Variants in SCUBE1 observed in about 807,000 individuals in gnomAD.
The protein encoded by SCUBE1 is signal peptide, CUB domain and EGF like domain containing 1, also known as signal peptide, CUB and EGF-like domain-containing protein 1.
SCUBE1 carries 59 observed loss-of-function variants against 124.4 expected under a neutral mutation model. The observed-to-expected ratio is 0.47, with a 90% CI of 0.38 to 0.59. SCUBE1 has a LOEUF of 0.59. SCUBE1 is among the 20% of genes least tolerant of loss of function. The pLI is 0.00. For missense variants in SCUBE1, 1,150 were observed against 1,371.2 expected (o/e 0.84, Z 2.55); for synonymous variants, 545 against 550.9 (o/e 0.99, Z 0.15).
chr22:43,222,718 C>A lies in SCUBE1; in HGVS notation c.1352G>T (p.Ser451Ile), dbSNP rs1260354154. The change falls in exon 12 of 22, where the codon AGC becomes ATC. Residue 451 changes from serine (S) to isoleucine (I), a missense_variant. Physicochemically the swap from Ser to Ile is moderately radical, Grantham distance 142 (BLOSUM62 -2). Coordinates refer to ENST00000360835, the MANE Select transcript of SCUBE1 (RefSeq NM_173050.5). The part of the protein sequence containing the change: ...VPDSENSYVL[S>I]CGVPGPQGKA... The stretch of plus-strand genomic sequence containing the variant: ...GCCCTGCGGCCCTGGAACTCCGCAG[C>A]TCAGGACGTAGCTATTTTCCGAGTC... The A allele has an allele frequency of 6.2e-7, 1 of 1,605,144 alleles. No homozygotes were observed. Among genetic ancestry groups the A allele is most frequent in the East Asian group, 2.2e-5 (1 of 44,596 alleles).
Position 43,198,145 on chromosome 22 carries a change from A to C in SCUBE1, c.*5852T>G. The C allele has an allele frequency of 4.8e-6, 1 of 209,654 alleles. No homozygotes were observed. 13.0% of individuals were successfully genotyped at this position (209,654 alleles called of 1,614,324 possible). ...CCACCATCTACATGGGGCTGGGGGGATGGAATGTGTGGATATTAGAGGGTT... is the reference window on the plus strand; with the variant it reads ...CCACCATCTACATGGGGCTGGGGGGCTGGAATGTGTGGATATTAGAGGGTT... On this transcript the variant is annotated 3_prime_UTR_variant, in exon 22 of 22. Coordinates refer to ENST00000360835, the MANE Select transcript of SCUBE1 (RefSeq NM_173050.5).
chr22:43,308,084 C>T (rs1926039051), intron 3 of SCUBE1, among the ~76,000 whole-genome samples: 2 of 152,244 alleles, frequency 1.3e-5, no homozygotes, highest in South Asian at 2.1e-4. Context: ...AACCAGTCTG[C>T]CTCCCTACAC....
chr22:43,251,868 G>A (rs1163544391), intron 6 of SCUBE1, among the ~76,000 whole-genome samples: 2 of 152,200 alleles, frequency 1.3e-5, no homozygotes, highest in African/African-American at 4.8e-5. Flanking sequence ...AGGGAGAGGG[G>A]CTTGATTGAA....
In SCUBE1 at chr22:43,198,767, C is replaced by T. The variant is rs1920960777; in HGVS notation, c.*5230G>A. 2.2e-6 allele frequency: 1 copy of T among 452,842 alleles called. No homozygotes were observed. The highest frequency in any genetic ancestry group is 4.5e-6 in the Non-Finnish European group (1 of 224,438). 28.1% of individuals were successfully genotyped at this position (452,842 alleles called of 1,614,324 possible). On this transcript the variant is annotated 3_prime_UTR_variant, in exon 22 of 22. Coordinates refer to ENST00000360835, the MANE Select transcript of SCUBE1 (RefSeq NM_173050.5). ...AAGGCTTCTCCCTGTGGGGCATGCA[C>T]TGTGGCAGGCAAGGTGAGCAGGCTG...
At chr22:43,320,632 T>C (rs965067994) in intron 2 of SCUBE1, among the ~76,000 whole-genome samples, 1 of 152,204 alleles carries the variant, frequency 6.6e-6, no homozygotes, top group Non-Finnish European at 1.5e-5. Flanking sequence ...TGGAGAATGA[T>C]AGGAACACGC....
chr22:43,236,118 T>G (rs1224637323), intron 7 of SCUBE1, among the ~76,000 whole-genome samples: 1 of 152,166 alleles, frequency 6.6e-6, no homozygotes, highest in African/African-American at 2.4e-5. Context: ...CTCTCTCCTT[T>G]GAGATCCTCC....
At position 43,218,248 on chromosome 22, in the gene SCUBE1, G is replaced by A. The variant is rs199887506; in HGVS notation, c.1891+7C>T. The A allele has an allele frequency of 1.3e-5, 21 of 1,612,396 alleles. No individual in the cohort carries two copies. The African/African-American group carries it at 1.5e-4, about 11-fold the overall frequency. ...CAGCATCTGAGTGGCCATGGGCAAGGACTCACCGCATTTGCTGTCCTGTAG... is the reference window on the plus strand; with the variant it reads ...CAGCATCTGAGTGGCCATGGGCAAGAACTCACCGCATTTGCTGTCCTGTAG... On this transcript the variant is annotated splice_region_variant and intron_variant, in intron 15 of 21. Coordinates refer to ENST00000360835, the MANE Select transcript of SCUBE1 (RefSeq NM_173050.5).
intron 6 of SCUBE1, among the ~76,000 whole-genome samples, chr22:43,242,605 C>G (rs1192633893): frequency 2.0e-5 from 3 of 152,252 alleles, no homozygotes; most frequent in African/African-American, 7.2e-5. Context: ...TCTCCCCCAC[C>G]CTGAAACACA....
chr22:43,228,381 G>T lies in SCUBE1; in HGVS notation c.1084+691C>A, dbSNP rs1922411336. Among the ~76,000 whole-genome samples, 4 of 152,268 alleles carry T rather than the reference G, an allele frequency of 2.6e-5. No individual in the cohort carries two copies. The South Asian group carries it at 8.3e-4, about 32-fold the overall frequency. ...CATGCCTGGAGCTGTCTTCCCAGTG[G>T]TACCCTGGATTCCACTCTCCTTTCC... On this transcript the variant is annotated intron_variant, in intron 9 of 21. Coordinates refer to ENST00000360835, the MANE Select transcript of SCUBE1 (RefSeq NM_173050.5).
At position 43,251,864 on chromosome 22, in the gene SCUBE1, A is replaced by T. The variant is rs762950; in HGVS notation, c.727+6355T>A. Among the ~76,000 whole-genome samples the T allele has an allele frequency of 1.4e-3, 219 of 152,070 alleles. 1 individual carries two copies. The highest frequency in any genetic ancestry group is 6.8e-3 in the Middle Eastern group (2 of 294). On this transcript the variant is annotated intron_variant, in intron 6 of 21. Coordinates refer to ENST00000360835, the MANE Select transcript of SCUBE1 (RefSeq NM_173050.5). Reference sequence around the variant, plus strand: ...CCTATCCTAAGCATGCTCCAGGGAGAGGGGCTTGATTGAAGACCTGGAGCT... The same window carrying T: ...CCTATCCTAAGCATGCTCCAGGGAGTGGGGCTTGATTGAAGACCTGGAGCT...
chr22:43,206,289 AACACACACCCCT>A (rs1486135373), intron 21 of SCUBE1, among the ~76,000 whole-genome samples: 2 of 144,440 alleles, frequency 1.4e-5, no homozygotes, highest in African/African-American at 2.6e-5. Flanking sequence ...ACACCCACTC[AACACACACCCCT>A]ACACACACAC....
intron 6 of SCUBE1, among the ~76,000 whole-genome samples, chr22:43,243,315 C>T (rs1039895616): frequency 8.5e-5 from 13 of 152,316 alleles, no homozygotes; most frequent in South Asian, 2.1e-4. Flanking sequence ...CCCTGTAGGG[C>T]GAGGGTGGCC....
intron 6 of SCUBE1, among the ~76,000 whole-genome samples, chr22:43,257,669 C>T (rs544700910): frequency 4.6e-5 from 7 of 152,314 alleles, no homozygotes; most frequent in South Asian, 2.1e-4. Flanking sequence ...ACCACACCCA[C>T]GCAGGGCCCA....
chr22:43,307,143 C>T (rs149589830), intron 3 of SCUBE1, among the ~76,000 whole-genome samples: 3 of 152,336 alleles, frequency 2.0e-5, no homozygotes, highest in Non-Finnish European at 4.4e-5. Context: ...TCGAGGAATT[C>T]CCAAGGAAGG....
intron 7 of SCUBE1, among the ~76,000 whole-genome samples, chr22:43,236,256 C>A (rs1922757921): frequency 6.6e-6 from 1 of 152,214 alleles, no homozygotes; most frequent in South Asian, 2.1e-4. Flanking sequence ...ACCAATGACA[C>A]CAACCCTGGG....
chr22:43,214,081 C>T lies in SCUBE1; in HGVS notation c.2053+9G>A, dbSNP rs373037413. 1.5e-4 allele frequency: 154 copies of T among 1,017,914 alleles called. 1 individual carries two copies. The highest frequency in any genetic ancestry group is 2.0e-4 in the Non-Finnish European group (146 of 713,782). 63.1% of individuals were successfully genotyped at this position (1,017,914 alleles called of 1,614,324 possible). ...CCACCCCCACCTCTCCTTCTAGGCCCGCACTTGCCTCCACATTCCGACACG... is the reference window on the plus strand; with the variant it reads ...CCACCCCCACCTCTCCTTCTAGGCCTGCACTTGCCTCCACATTCCGACACG... On this transcript the variant is annotated intron_variant, in intron 16 of 21. Transcript: ENST00000360835.
intron 4 of SCUBE1, among the ~76,000 whole-genome samples, chr22:43,268,696 T>C (rs1924171535): frequency 6.6e-6 from 1 of 152,094 alleles, no homozygotes; most frequent in Admixed American, 6.5e-5. Context: ...CTTCCCAGAG[T>C]GTGCTAAATG....
chr22:43,277,194 C>T (rs1328955149), intron 4 of SCUBE1, among the ~76,000 whole-genome samples: 1 of 152,066 alleles, frequency 6.6e-6, no homozygotes, highest in African/African-American at 2.4e-5. Flanking sequence ...GAGTTCCAGA[C>T]AGAGGGAGCT....
chr22:43,217,453 G>T (rs1921881422), intron 15 of SCUBE1, among the ~76,000 whole-genome samples: 1 of 151,802 alleles, frequency 6.6e-6, no homozygotes, highest in South Asian at 2.1e-4. Flanking sequence ...AGTCGTCCTT[G>T]AAGTCTGTCT....
Sources: gnomAD v4.1 joint callset for allele counts (sites outside exome capture counted in the v4.1 genomes callset) on GRCh38, gnomAD v4.1.1 for gene constraint, MANE v1.5 for transcripts, NCBI Gene and HGNC (gene_info 2026-07-23, HGNC 2026-07-21) for gene names.